PHF3: variants seen among roughly 807,000 people sequenced by gnomAD.
PHF3 encodes PHD finger protein 3.
A neutral mutation model predicts 178.4 loss-of-function variants in PHF3; 41 were observed. That is an observed-to-expected ratio of 0.23 (90% confidence interval 0.18 to 0.30). The LOEUF (loss-of-function observed/expected upper bound fraction) is 0.30, where lower values mean the gene tolerates loss of function less well. PHF3 is among the 10% of genes least tolerant of loss of function. The probability of loss-of-function intolerance (pLI) is 1.00; values close to 1 mark genes in which losing one functional copy is unlikely to be tolerated. For synonymous variants in PHF3, 842 were observed against 800.5 expected (o/e 1.05, Z -0.88); for missense variants, 2,346 against 2,398.1 (o/e 0.98, Z 0.45).
At chr6:63,640,276 G>A (rs1042231265) in intron 1 of PHF3, among the ~76,000 whole-genome samples, 1 of 152,136 alleles carries the variant, frequency 6.6e-6, no homozygotes, top group African/African-American at 2.4e-5. Context: ...CTCTGTCCTC[G>A]AAGGATGGAT....
intron 2 of PHF3, among the ~76,000 whole-genome samples, chr6:63,663,483 C>T (rs938615493): frequency 6.6e-6 from 1 of 152,192 alleles, no homozygotes; most frequent in African/African-American, 2.4e-5. Context: ...CCTCCTTAGC[C>T]TCCCTGGCTG....
At position 63,684,255 on chromosome 6, in the gene PHF3, G is replaced by T. The variant is rs749320196; in HGVS notation, c.533G>T (p.Arg178Met). ...AAAGCAGGAGTGAAACAACCAGAAA[G>T]GAGTCAGGTTAAAGAAGAAGTATGT... is the stretch of plus-strand genomic sequence containing the variant. ...TAKAGVKQPERSQVKEEVCMS... is the reference protein window; with the variant it reads ...TAKAGVKQPEMSQVKEEVCMS... Residue 178 changes from arginine (R) to methionine (M), a missense_variant, in exon 4 of 16, where the codon AGG (arginine) becomes ATG (methionine). Arg to Met is a moderately conservative substitution (Grantham distance 91). Around this residue, in one of 8 missense-constraint regions of PHF3, gnomAD observed 843 missense variants for 795.2 expected, o/e 1.06. Coordinates refer to ENST00000262043, the MANE Select transcript of PHF3 (RefSeq NM_001370348.2). 2 of 1,613,902 alleles carry T rather than the reference G, an allele frequency of 1.2e-6. No homozygotes were observed. The highest frequency in any genetic ancestry group is 1.7e-6 in the Non-Finnish European group (2 of 1,179,802).
In PHF3 at chr6:63,725,307, T is replaced by C. The variant is rs1038860517; in HGVS notation, c.*11599T>C. On this transcript the variant is annotated 3_prime_UTR_variant, in exon 16 of 16. Transcript: ENST00000262043. ...CCTATGTGTATTAGTGTGTATGAGCTTTATATTTCATATACACAAACAAAT... is the reference window on the plus strand; with the variant it reads ...CCTATGTGTATTAGTGTGTATGAGCCTTATATTTCATATACACAAACAAAT... Among the ~76,000 whole-genome samples the C allele has an allele frequency of 2.6e-5, 4 of 152,008 alleles. No individual in the cohort carries two copies. The highest frequency in any genetic ancestry group is 2.6e-4 in the Admixed American group (4 of 15,262).
In PHF3 at chr6:63,719,320, C is replaced by A. The variant is rs562499057; in HGVS notation, c.*5612C>A. On this transcript the variant is annotated 3_prime_UTR_variant, in exon 16 of 16. Transcript: ENST00000262043. ...TGCACAGAAATGTGTATTCATCAGC[C>A]CTTATTTTTTGTAAATCTTTTCTCT... is the stretch of plus-strand genomic sequence containing the variant. 6.6e-6 allele frequency among the ~76,000 whole-genome samples: 1 copy of A among 152,112 alleles called. No homozygotes were observed. Among genetic ancestry groups the A allele is most frequent in the South Asian group, 2.1e-4 (1 of 4,818 alleles).
chr6:63,649,884 T>G (rs913143534), intron 2 of PHF3, among the ~76,000 whole-genome samples: 3 of 152,220 alleles, frequency 2.0e-5, no homozygotes, highest in Admixed American at 6.5e-5. Flanking sequence ...ATATACTGTT[T>G]ATATATACCA....
At chr6:63,709,109 AATCT>A (rs760495489) in intron 13 of PHF3, 38 bp from the exon 14 acceptor site, 2 of 1,013,944 alleles carry the variant, frequency 2.0e-6, no homozygotes, top group African/African-American at 3.4e-5. Flanking sequence ...TAATAAAGAT[AATCT>A]ATATATATTG....
chr6:63,692,554 A>G (rs1442650195), intron 5 of PHF3, among the ~76,000 whole-genome samples: 1 of 152,144 alleles, frequency 6.6e-6, no homozygotes, highest in East Asian at 1.9e-4. Flanking sequence ...CTACCTTTTT[A>G]TTACCTATCA....
In PHF3 at chr6:63,721,335, C is replaced by G; in HGVS notation, c.*7627C>G. ...TCCAGCCCAATCTGGCAAACATCTG[C>G]AAGAAAAAGTTGTGCCATTTACTGT... On this transcript the variant is annotated 3_prime_UTR_variant, in exon 16 of 16. Coordinates refer to ENST00000262043, the MANE Select transcript of PHF3 (RefSeq NM_001370348.2). 6.4e-7 allele frequency: 1 copy of G among 1,551,972 alleles called. No individual in the cohort carries two copies. The highest frequency in any genetic ancestry group is 2.4e-5 in the East Asian group (1 of 40,920).
chr6:63,665,542 A>C (rs1452730728), intron 2 of PHF3, among the ~76,000 whole-genome samples: 1 of 131,750 alleles, frequency 7.6e-6, no homozygotes, highest in Non-Finnish European at 1.5e-5. Flanking sequence ...GATGGACTGC[A>C]GTGGTGTGAT....
chr6:63,685,239 C>T lies in PHF3; in HGVS notation c.1517C>T (p.Pro506Leu), dbSNP rs769834099. Reference protein sequence around the residue: ...HSKQNMTTDAPKKIVAAKYEV... With the variant: ...HSKQNMTTDALKKIVAAKYEV... ...AAGCAAAACATGACCACAGATGCTC[C>T]GAAGAAAATTGTTGCAGCAAAGTAT... The change falls in exon 4 of 16, where the codon CCG becomes CTG. Residue 506 changes from proline to leucine, a missense_variant. Pro to Leu is a moderately conservative substitution (Grantham distance 98). Coordinates refer to ENST00000262043, the MANE Select transcript of PHF3 (RefSeq NM_001370348.2). 31 of 1,613,584 alleles carry T rather than the reference C, an allele frequency of 1.9e-5. No individual in the cohort carries two copies. The highest frequency in any genetic ancestry group is 1.5e-4 in the African/African-American group (11 of 74,810).
intron 2 of PHF3, among the ~76,000 whole-genome samples, chr6:63,666,077 CT>C (rs1274631522): frequency 6.6e-6 from 1 of 152,110 alleles, no homozygotes; most frequent in Non-Finnish European, 1.5e-5. Context: ...ATTGTCATGT[CT>C]ACCGCTTTAG....
intron 2 of PHF3, chr6:63,679,098 G>GTT (rs144676369): frequency 1.1e-4 from 15 of 137,852 alleles, no homozygotes; most frequent in East Asian, 6.3e-4. Flanking sequence ...TGATAAAGGT[G>GTT]TTTTTTTTTT....
Position 63,703,553 on chromosome 6 carries a change from G to A in PHF3, c.3249G>A (p.Lys1083=). Residue 1083 remains lysine, a synonymous_variant, in exon 11 of 16, where the codon AAG becomes AAA. Coordinates refer to ENST00000262043, the MANE Select transcript of PHF3 (RefSeq NM_001370348.2). ...AMEIQEPAAN[K]SLEKPEGSEK... is the part of the protein sequence containing the mutation. ...TACGTTAGGAACCAGCCGCCAATAA[G>A]TCATTGGAGAAGCCAGAAGGATCTG... 1.2e-6 allele frequency: 2 copies of A among 1,610,610 alleles called. No homozygotes were observed. Among genetic ancestry groups the A allele is most frequent in the Non-Finnish European group, 1.7e-6 (2 of 1,179,206 alleles).
intron 6 of PHF3, among the ~76,000 whole-genome samples, chr6:63,697,363 TGAGAG>T (rs1363313027): frequency 6.6e-6 from 1 of 152,134 alleles, no homozygotes; most frequent in Non-Finnish European, 1.5e-5. Context: ...TGGTTTGAGA[TGAGAG>T]GAGAAAAAGT....
chr6:63,698,295 C>T lies in PHF3; in HGVS notation c.2753C>T (p.Ser918Phe), dbSNP rs1309151687. 6.2e-7 allele frequency: 1 copy of T among 1,613,058 alleles called. No homozygotes were observed. The highest frequency in any genetic ancestry group is 1.3e-5 in the African/African-American group (1 of 74,920). ...GTGCTTAATGTACATCCTGCTGCTT[C>T]TGCTTCCAAGCCTTCTGCAGATCAG... ...KGVLNVHPAASASKPSADQIR... is the reference protein window; with the variant it reads ...KGVLNVHPAAFASKPSADQIR... The change falls in exon 7 of 16, where the codon TCT (serine) becomes TTT (phenylalanine). Residue 918 changes from serine (S) to phenylalanine (F), a missense_variant. By Grantham distance (155) the Ser-to-Phe change is radical (BLOSUM62 -2). Transcript: ENST00000262043.
chr6:63,706,701 C>CT (rs1361079723), intron 12 of PHF3, 28 bp from the exon 13 acceptor site: 1 of 1,608,446 alleles, frequency 6.2e-7, no homozygotes, highest in Non-Finnish European at 8.5e-7. Context: ...ATCAGCTTGT[C>CT]TTTAGGCTTT....
In PHF3 at chr6:63,720,911, A is replaced by T; in HGVS notation, c.*7203A>T. The stretch of plus-strand genomic sequence containing the variant: ...CAACTACATGGTGCCATTTATTACA[A>T]CAGAATGTGCCATTGTTATAGCTCA... On this transcript the variant is annotated 3_prime_UTR_variant, in exon 16 of 16. Transcript: ENST00000262043. The T allele has an allele frequency of 6.4e-7, 1 of 1,551,186 alleles. No individual in the cohort carries two copies. The highest frequency in any genetic ancestry group is 1.4e-5 in the African/African-American group (1 of 73,138).
In PHF3 at chr6:63,712,332, CAA is replaced by C. The variant is rs760548588; in HGVS notation, c.4745_4746del (p.Gln1582ArgfsTer7). 2 of 1,612,940 alleles carry C rather than the reference CAA, an allele frequency of 1.2e-6. No individual in the cohort carries two copies. The highest frequency in any genetic ancestry group is 1.7e-6 in the Non-Finnish European group (2 of 1,179,720). ...AACAAATTTATCAATTCAGTCAAAACAAGAGGAAACTGTGGAGAGTAAAGAGA... is the reference window on the plus strand; with the variant it reads ...AACAAATTTATCAATTCAGTCAAAACGAGGAAACTGTGGAGAGTAAAGAGA... ...FLTNLSIQSK[Q>X]EETVESKEKT... On this transcript the variant is annotated frameshift_variant, in exon 16 of 16. Transcript: ENST00000262043. LOFTEE classifies it high-confidence loss of function.
chr6:63,722,735 C>T lies in PHF3; in HGVS notation c.*9027C>T, dbSNP rs1768452809. On this transcript the variant is annotated 3_prime_UTR_variant, in exon 16 of 16. Coordinates refer to ENST00000262043, the MANE Select transcript of PHF3 (RefSeq NM_001370348.2). ...CATTATGCTACACTACTTCTTCCTC[C>T]CTCCAGAGTGCCTATTTCCACACCT... 6.6e-6 allele frequency among the ~76,000 whole-genome samples: 1 copy of T among 152,148 alleles called. No individual in the cohort carries two copies. The highest frequency in any genetic ancestry group is 2.1e-4 in the South Asian group (1 of 4,828).
Sources: allele counts gnomAD v4.1 joint callset (sites outside exome capture counted in the v4.1 genomes callset), GRCh38; gene constraint gnomAD v4.1.1; regional missense constraint gnomAD v4.1.1; transcripts MANE v1.5; gene names NCBI Gene and HGNC (gene_info 2026-07-23, HGNC 2026-07-21).